NCOA2: variants seen among roughly 807,000 people sequenced by gnomAD.
NCOA2 encodes the protein nuclear receptor coactivator 2, also known as class E basic helix-loop-helix protein 75.
NCOA2 carries 21 observed loss-of-function variants against 145.1 expected under a neutral mutation model. That is an observed-to-expected ratio of 0.14 (90% CI 0.10 to 0.21). The LOEUF is 0.21. Among genes scored for constraint, NCOA2 ranks in the 10% least tolerant of loss-of-function variants. NCOA2 has a pLI of 1.00. For missense variants in NCOA2, 1,472 were observed against 1,837.6 expected (o/e 0.80, Z 3.64); for synonymous variants, 619 against 637.5 (o/e 0.97, Z 0.44).
intron 1 of NCOA2, among the ~76,000 whole-genome samples, chr8:70,352,944 C>T (rs572390106): frequency 6.6e-6 from 1 of 152,210 alleles, no homozygotes; most frequent in African/African-American, 2.4e-5. Flanking sequence ...TTTGCTACTA[C>T]CTTAGTAGTA....
chr8:70,361,844 T>C (rs914679151), intron 1 of NCOA2, among the ~76,000 whole-genome samples: 2 of 152,244 alleles, frequency 1.3e-5, no homozygotes, highest in Non-Finnish European at 2.9e-5. Flanking sequence ...AACAGTGAAG[T>C]AGGAGTTAAC....
chr8:70,410,116 A>C, the NCOA2 span, among the ~76,000 whole-genome samples: 36 of 152,256 alleles, frequency 2.4e-4, 1 homozygote, highest in South Asian at 6.2e-3. Flanking sequence ...AGGCTGAGGC[A>C]GGAGAATCAC....
At position 70,144,927 on chromosome 8, in the gene NCOA2, T is replaced by C. The variant is rs1462076731; in HGVS notation, c.2606-79A>G. On this transcript the variant is annotated intron_variant, in intron 12 of 22. Transcript: ENST00000452400. Reference sequence around the variant, plus strand: ...TATTAACAGTAGTGTTTAGGGACAATGTCTGTAAAATGACAAAGGTATGTA... The same window carrying C: ...TATTAACAGTAGTGTTTAGGGACAACGTCTGTAAAATGACAAAGGTATGTA... 8 of 1,315,736 alleles carry C rather than the reference T, an allele frequency of 6.1e-6. No individual in the cohort carries two copies. The East Asian group carries it at 1.9e-4, about 30-fold the overall frequency. 81.5% of individuals were successfully genotyped at this position (1,315,736 alleles called of 1,614,324 possible).
At chr8:70,183,597 T>G (rs755376876) in intron 4 of NCOA2, among the ~76,000 whole-genome samples, 1 of 152,150 alleles carries the variant, frequency 6.6e-6, no homozygotes, top group Non-Finnish European at 1.5e-5. Flanking sequence ...CCCAAATGCA[T>G]CACATTCTTT....
At chr8:70,117,214 C>T (rs546833133) in intron 22 of NCOA2, among the ~76,000 whole-genome samples, 1 of 152,258 alleles carries the variant, frequency 6.6e-6, no homozygotes, top group African/African-American at 2.4e-5. Flanking sequence ...TACCCCTAAA[C>T]CCCCAGCCGG....
chr8:70,382,490 T>C (rs1015483346), intron 1 of NCOA2, among the ~76,000 whole-genome samples: 7 of 152,210 alleles, frequency 4.6e-5, no homozygotes, highest in Non-Finnish European at 7.3e-5. Context: ...TAATATTCCA[T>C]GTTGGGAAAG....
chr8:70,450,176 T>A, the NCOA2 span, among the ~76,000 whole-genome samples: 1 of 152,224 alleles, frequency 6.6e-6, no homozygotes, highest in Non-Finnish European at 1.5e-5. Flanking sequence ...CTAGCACATG[T>A]CACACACATG....
chr8:70,354,264 T>C (rs921528909), intron 1 of NCOA2, among the ~76,000 whole-genome samples: 1 of 152,258 alleles, frequency 6.6e-6, no homozygotes, highest in African/African-American at 2.4e-5. Flanking sequence ...TGTAACCATG[T>C]GATCTTTTGA....
In NCOA2 at chr8:70,224,916, C is replaced by T. The variant is rs185832205; in HGVS notation, c.-19-8152G>A. Reference sequence around the variant, plus strand: ...GCGCAGAGTGCCCCACTCCCTGCCCCGCTCCTCCCTGTCCTCCTGCTCCTC... The same window carrying T: ...GCGCAGAGTGCCCCACTCCCTGCCCTGCTCCTCCCTGTCCTCCTGCTCCTC... On this transcript the variant is annotated intron_variant, in intron 2 of 22. Coordinates refer to ENST00000452400, the MANE Select transcript of NCOA2 (RefSeq NM_006540.4). Among the ~76,000 whole-genome samples, 656 of 151,984 alleles carry T rather than the reference C, an allele frequency of 4.3e-3. 5 individuals carry two copies. Among genetic ancestry groups the T allele is most frequent in the African/African-American group, 0.015 (627 of 41,450 alleles).
intron 1 of NCOA2, among the ~76,000 whole-genome samples, chr8:70,314,072 C>A (rs1305690932): frequency 6.8e-6 from 1 of 146,146 alleles, no homozygotes; most frequent in Non-Finnish European, 1.5e-5. Flanking sequence ...CCCAGCTACT[C>A]GGGAGGCTGA....
chr8:70,376,356 A>T (rs563725266), intron 1 of NCOA2, among the ~76,000 whole-genome samples: 8 of 151,466 alleles, frequency 5.3e-5, no homozygotes, highest in Admixed American at 5.3e-4. Flanking sequence ...ACAGTGGCCC[A>T]GTACACACAC....
chr8:70,441,066 AAAG>A, the NCOA2 span, among the ~76,000 whole-genome samples: 4 of 139,432 alleles, frequency 2.9e-5, no homozygotes, highest in African/African-American at 1.0e-4. Flanking sequence ...AGAGAGAAAG[AAAG>A]AAGAAAGGAA....
At chr8:70,450,699 C>G in the NCOA2 span, among the ~76,000 whole-genome samples, 2 of 149,370 alleles carry the variant, frequency 1.3e-5, 1 homozygote, top group Admixed American at 1.3e-4. Context: ...CCTGCCTCAG[C>G]CTCCTGAGTA....
chr8:70,128,973 G>A lies in NCOA2; in HGVS notation c.3332C>T (p.Ala1111Val). 6.3e-7 allele frequency: 1 copy of A among 1,599,372 alleles called. No individual in the cohort carries two copies. The highest frequency in any genetic ancestry group is 1.1e-5 in the South Asian group (1 of 88,984). Residue 1111 changes from alanine to valine, a missense_variant, in exon 17 of 23, where the codon GCA becomes GTA. Ala to Val is a moderately conservative substitution (Grantham distance 64). Transcript: ENST00000452400. ...GIPELVSQSQAVDPEQFSSQD... is the reference protein window; with the variant it reads ...GIPELVSQSQVVDPEQFSSQD... ...ACTTGAGAACTGTTCTGGATCTACT[G>A]CTTGGCTCTGGAGAGAAAGTCCCAA...
chr8:70,150,055 T>C (rs1489941083), intron 11 of NCOA2, among the ~76,000 whole-genome samples: 1 of 152,242 alleles, frequency 6.6e-6, no homozygotes, highest in Non-Finnish European at 1.5e-5. Context: ...TTGGAAATAT[T>C]TCTCAAGTTA....
chr8:70,337,521 G>A (rs780368924), intron 1 of NCOA2, among the ~76,000 whole-genome samples: 8 of 152,088 alleles, frequency 5.3e-5, no homozygotes, highest in Non-Finnish European at 1.0e-4. Context: ...CAGCCTCTGC[G>A]TAACTTGTAT....
the NCOA2 span, among the ~76,000 whole-genome samples, chr8:70,427,900 A>G: frequency 6.6e-6 from 1 of 152,184 alleles, no homozygotes; most frequent in African/African-American, 2.4e-5. Context: ...TTCCAGCTTC[A>G]TAAATTCAGT....
chr8:70,117,208 C>T (rs533263805), intron 22 of NCOA2, among the ~76,000 whole-genome samples: 52 of 152,384 alleles, frequency 3.4e-4, no homozygotes, highest in African/African-American at 1.2e-3. Context: ...CAGGCCTACC[C>T]CTAAACCCCC....
At chr8:70,354,187 G>A (rs779726108) in intron 1 of NCOA2, among the ~76,000 whole-genome samples, 1 of 151,996 alleles carries the variant, frequency 6.6e-6, no homozygotes, top group Non-Finnish European at 1.5e-5. Context: ...TTCTTATATC[G>A]TTAGGGCATT....
Sources: allele counts gnomAD v4.1 joint callset (sites outside exome capture counted in the v4.1 genomes callset), GRCh38; gene constraint gnomAD v4.1.1; transcripts MANE v1.5; gene names NCBI Gene and HGNC (gene_info 2026-07-23, HGNC 2026-07-21).